RORA: variants seen among roughly 807,000 people sequenced by gnomAD.
RORA encodes the protein RAR related orphan receptor A.
A neutral mutation model predicts 69.5 loss-of-function variants in RORA; 7 were observed. The observed-to-expected ratio is 0.10, with a 90% CI of 0.06 to 0.19. The LOEUF is 0.19. Ranked by LOEUF, RORA falls within the 10% of genes least tolerant of loss-of-function variation. The probability of loss-of-function intolerance (pLI) is 1.00; values close to 1 mark genes in which losing one functional copy is unlikely to be tolerated. For synonymous variants in RORA, 261 were observed against 240.8 expected, an observed-to-expected ratio of 1.08 and a Z score of -0.78; for missense variants, 457 against 663.0, an observed-to-expected ratio of 0.69 and a Z score of 3.41.
intron 1 of RORA, among the ~76,000 whole-genome samples, chr15:60,919,719 C>G (rs748041781): frequency 3.7e-4 from 57 of 152,210 alleles, no homozygotes; most frequent in Admixed American, 8.5e-4. Flanking sequence ...CCCTTTTCCT[C>G]TAGCTGCTAG....
intron 1 of RORA, among the ~76,000 whole-genome samples, chr15:60,934,488 GTT>G (rs1566915002): frequency 5.9e-5 from 9 of 151,826 alleles, no homozygotes; most frequent in East Asian, 5.8e-4. Context: ...TGTTGTTGTT[GTT>G]GTTGTTGTTT....
intron 2 of RORA, among the ~76,000 whole-genome samples, chr15:60,585,557 A>G (rs1387463279): frequency 2.0e-5 from 3 of 152,212 alleles, no homozygotes; most frequent in Non-Finnish European, 4.4e-5. Context: ...AAAAGGGGAA[A>G]CGCTGAATTT....
At chr15:60,678,559 T>C (rs1382160443) in intron 2 of RORA, 98 bp downstream of exon 2, 1 of 933,734 alleles carries the variant, frequency 1.1e-6, no homozygotes, top group African/African-American at 1.6e-5. Context: ...GGATCACAGC[T>C]GAAACATTAG....
chr15:60,820,725 A>G (rs1317838738), intron 1 of RORA, among the ~76,000 whole-genome samples: 1 of 152,224 alleles, frequency 6.6e-6, no homozygotes, highest in African/African-American at 2.4e-5. Context: ...TAAAAACGGC[A>G]GATCTGGAGG....
At chr15:61,167,331 C>T (rs564859328) in intron 1 of RORA, among the ~76,000 whole-genome samples, 1 of 152,198 alleles carries the variant, frequency 6.6e-6, no homozygotes, top group East Asian at 1.9e-4. Flanking sequence ...TGACAATGTT[C>T]TTTGTCTGCT....
chr15:60,589,957 G>A (rs1391772717), intron 2 of RORA, among the ~76,000 whole-genome samples: 1 of 152,124 alleles, frequency 6.6e-6, no homozygotes, highest in African/African-American at 2.4e-5. Context: ...TTAAAACTGA[G>A]AAGCAATAGG....
At chr15:60,647,459 A>G (rs1596094809) in intron 2 of RORA, among the ~76,000 whole-genome samples, 1 of 152,162 alleles carries the variant, frequency 6.6e-6, no homozygotes, top group African/African-American at 2.4e-5. Context: ...CAGCGTTTTG[A>G]TCACTGCCAG....
intron 1 of RORA, among the ~76,000 whole-genome samples, chr15:61,215,597 T>G (rs188578536): frequency 6.6e-6 from 1 of 152,368 alleles, no homozygotes; most frequent in African/African-American, 2.4e-5. Context: ...CATTTTTTTA[T>G]GCCAAAGTCA....
chr15:60,911,069 A>ATTTTTTTTTT (rs528370848), intron 1 of RORA, among the ~76,000 whole-genome samples: 5 of 89,698 alleles, frequency 5.6e-5, no homozygotes, highest in African/African-American at 1.0e-4. Context: ...TGCCCAGCTA[A>ATTTTTTTTTT]TTTTTTTTTT....
chr15:60,810,525 A>C (rs1213019406), intron 1 of RORA, among the ~76,000 whole-genome samples: 1 of 151,784 alleles, frequency 6.6e-6, no homozygotes, highest in Non-Finnish European at 1.5e-5. Context: ...CTTTTGAATT[A>C]TTTTACCCTT....
chr15:60,848,334 G>C (rs1478719962), intron 1 of RORA: 1 of 152,244 alleles, frequency 6.6e-6, no homozygotes, highest in African/African-American at 2.4e-5. Flanking sequence ...ATGATCCTGG[G>C]TTATCCATGT....
chr15:60,583,643 T>C (rs577619524), intron 2 of RORA, among the ~76,000 whole-genome samples: 2 of 152,312 alleles, frequency 1.3e-5, no homozygotes, highest in South Asian at 4.2e-4. Context: ...TTTGGGCCAC[T>C]TGGGGTAAGA....
At chr15:61,091,169 CTGCATTATTG>C (rs1400603261) in intron 1 of RORA, among the ~76,000 whole-genome samples, 1 of 152,136 alleles carries the variant, frequency 6.6e-6, no homozygotes, top group Non-Finnish European at 1.5e-5. Context: ...CTTTAGAGCT[CTGCATTATTG>C]TTGCTTCTGT....
At chr15:60,572,845 G>A (rs971981633) in intron 2 of RORA, among the ~76,000 whole-genome samples, 4 of 152,162 alleles carry the variant, frequency 2.6e-5, no homozygotes, top group Admixed American at 6.5e-5. Flanking sequence ...CTTCTTCACA[G>A]TTTGGGCATG....
intron 1 of RORA, among the ~76,000 whole-genome samples, chr15:60,944,821 G>T (rs1892818967): frequency 6.6e-6 from 1 of 151,460 alleles, no homozygotes; most frequent in Non-Finnish European, 1.5e-5. Context: ...TCAGCAACAA[G>T]AGTGACACTT....
chr15:61,082,611 A>C (rs1372549865), intron 1 of RORA, among the ~76,000 whole-genome samples: 1 of 152,166 alleles, frequency 6.6e-6, no homozygotes, highest in Non-Finnish European at 1.5e-5. Flanking sequence ...TCATCACTTG[A>C]GTATGTGTGG....
At chr15:61,151,558 T>C (rs2079398195) in intron 1 of RORA, among the ~76,000 whole-genome samples, 1 of 152,190 alleles carries the variant, frequency 6.6e-6, no homozygotes, top group Non-Finnish European at 1.5e-5. Flanking sequence ...AGTGTCCCAT[T>C]ATAAATCATC....
chr15:60,994,730 T>C (rs1249175088), intron 1 of RORA, among the ~76,000 whole-genome samples: 1 of 152,140 alleles, frequency 6.6e-6, no homozygotes, highest in Non-Finnish European at 1.5e-5. Context: ...GCACTGTAGG[T>C]GAGATTGAAA....
chr15:61,176,359 T>C (rs981418169), intron 1 of RORA: 2 of 152,350 alleles, frequency 1.3e-5, no homozygotes, highest in African/African-American at 4.8e-5. Flanking sequence ...AATAAAATCC[T>C]GGTCTCCTAA....
Sources: gnomAD v4.1 joint callset for allele counts (sites outside exome capture counted in the v4.1 genomes callset) on GRCh38, gnomAD v4.1.1 for gene constraint, MANE v1.5 for transcripts, NCBI Gene and HGNC (gene_info 2026-07-23, HGNC 2026-07-21) for gene names.